MACF1: variants seen among roughly 807,000 people sequenced by gnomAD.
The protein encoded by MACF1 is microtubule actin crosslinking factor 1, also known as microtubule-actin cross-linking factor 1.
Under a neutral mutation model 854.8 loss-of-function variants are expected in MACF1, and 193 were observed. That is an observed-to-expected ratio of 0.23 (90% CI 0.20 to 0.25). The LOEUF (loss-of-function observed/expected upper bound fraction) is 0.25, where lower values mean the gene tolerates loss of function less well. Among genes scored for constraint, MACF1 ranks in the 10% least tolerant of loss-of-function variants. The probability of loss-of-function intolerance (pLI) is 1.00; values close to 1 mark genes in which losing one functional copy is unlikely to be tolerated. For synonymous variants in MACF1, 3,185 were observed against 3,226.7 expected (o/e 0.99, Z 0.44); for missense variants, 7,722 against 8,929.1 (o/e 0.86, Z 5.45).
intron 2 of MACF1, among the ~76,000 whole-genome samples, chr1:39,101,441 C>T (rs1464277642): frequency 2.0e-5 from 3 of 151,196 alleles, no homozygotes; most frequent in Admixed American, 1.3e-4. Context: ...GTTGCCCAGG[C>T]TGGTCGTGAA....
At chr1:39,434,889 T>C (rs1054323965) in intron 69 of MACF1, among the ~76,000 whole-genome samples, 3 of 152,226 alleles carry the variant, frequency 2.0e-5, no homozygotes, top group Non-Finnish European at 4.4e-5. Flanking sequence ...TAAAAATCAA[T>C]GGAATTTAAA....
At chr1:39,208,039 A>G (rs1437979538) in intron 1 of MACF1, among the ~76,000 whole-genome samples, 1 of 151,776 alleles carries the variant, frequency 6.6e-6, no homozygotes, top group Admixed American at 6.6e-5. Context: ...AGGCTGAGGC[A>G]GGAGAACAGC....
chr1:39,253,752 G>A lies in MACF1; in HGVS notation c.358-546G>A, dbSNP rs550852243. On this transcript the variant is annotated intron_variant, in intron 4 of 100. Coordinates refer to ENST00000564288, the MANE Select transcript of MACF1 (RefSeq NM_001394062.1). ...GGTTGTCTCTAACTCCTGGGCTCAA[G>A]CAATCCTCCTGCCTCGGCCTCCCAA... Among the ~76,000 whole-genome samples the A allele has an allele frequency of 3.5e-4, 53 of 152,272 alleles. 1 individual carries two copies. The South Asian group carries it at 7.1e-3, about 20-fold the overall frequency.
Position 39,181,878 on chromosome 1 carries a change from C to T in MACF1, c.221-49304C>T, listed in dbSNP as rs377011613. 4.6e-5 allele frequency among the ~76,000 whole-genome samples: 7 copies of T among 152,284 alleles called. No homozygotes were observed. In the South Asian group the frequency reaches 1.2e-3, roughly 27 times the overall value. On this transcript the variant is annotated intron_variant, in intron 2 of 93. Coordinates refer to the MACF1 transcript ENST00000361689. ...ATACAAAAGAATGAAATTGGCCAGG[C>T]GTTGTGGCTCACGCCCATAATCCCA...
chr1:39,344,133 A>C (rs548197269), intron 40 of MACF1, among the ~76,000 whole-genome samples: 7 of 150,924 alleles, frequency 4.6e-5, no homozygotes, highest in African/African-American at 1.5e-4. Flanking sequence ...AAAAAAGAAA[A>C]AAAGTTTTAG....
Position 39,372,572 on chromosome 1 carries a change from G to C in MACF1, c.13189G>C (p.Ala4397Pro). Residue 4397 changes from alanine to proline, a missense_variant, in exon 52 of 101, where the codon GCA becomes CCA. Around this residue, in one of 15 missense-constraint regions of MACF1, gnomAD observed 2,807 missense variants for 3,235.8 expected, o/e 0.87. Transcript: ENST00000564288. Reference sequence around the variant, plus strand: ...AGAAAATCTCATCATGGAAATCACAGCACCTGATTCCCAAGGCAAGACAGG... The same window carrying C: ...AGAAAATCTCATCATGGAAATCACACCACCTGATTCCCAAGGCAAGACAGG... The part of the protein sequence containing the change: ...SLENLIMEIT[A>P]PDSQGKTGSI... 1 of 1,612,510 alleles carries C rather than the reference G, an allele frequency of 6.2e-7. No individual in the cohort carries two copies. The highest frequency in any genetic ancestry group is 8.5e-7 in the Non-Finnish European group (1 of 1,178,656).
At position 39,283,051 on chromosome 1, in the gene MACF1, C is replaced by T; in HGVS notation, c.696-138C>T. 1 of 608,480 alleles carries T rather than the reference C, an allele frequency of 1.6e-6. No homozygotes were observed. The highest frequency in any genetic ancestry group is 2.9e-6 in the Non-Finnish European group (1 of 342,732). 37.7% of individuals were successfully genotyped at this position (608,480 alleles called of 1,614,324 possible). ...TGTATACTTAAAAATGGAATTTGTA[C>T]TCTTCTAAACCTCCTGCTTTTTCTC... is the stretch of plus-strand genomic sequence containing the variant. On this transcript the variant is annotated intron_variant, in intron 7 of 100. Transcript: ENST00000564288. The surrounding 1 kb of genome is among the most constrained non-coding windows in gnomAD (Gnocchi z 4.5).
At chr1:39,094,706 G>A (rs1316973388) in intron 2 of MACF1, among the ~76,000 whole-genome samples, 8 of 149,948 alleles carry the variant, frequency 5.3e-5, no homozygotes, top group South Asian at 4.2e-4. Context: ...CAACCAGAGC[G>A]AAACTCTGTC....
intron 2 of MACF1, among the ~76,000 whole-genome samples, chr1:39,194,416 C>G (rs1476059911): frequency 7.7e-6 from 1 of 130,338 alleles, no homozygotes; most frequent in African/African-American, 3.0e-5. Context: ...TGCAGTGGCG[C>G]GATCTCAGCT....
intron 1 of MACF1, among the ~76,000 whole-genome samples, chr1:39,228,090 C>T (rs1220454068): frequency 6.6e-6 from 1 of 152,156 alleles, no homozygotes; most frequent in African/African-American, 2.4e-5. Flanking sequence ...GCGGGTGGAT[C>T]ACCTGAGGTC....
rs183632395 is a variant in MACF1, at chr1:39,472,748, A to G, written c.21958+3133A>G. Among the ~76,000 whole-genome samples, 6 of 152,328 alleles carry G rather than the reference A, an allele frequency of 3.9e-5. No homozygotes were observed. The East Asian group carries it at 1.2e-3, about 29-fold the overall frequency. On this transcript the variant is annotated intron_variant, in intron 97 of 100. Transcript: ENST00000564288. Reference sequence around the variant, plus strand: ...GCACCAGAAATGTGGGAATTTTACTATTGTGAGCTTAAGAGCATAAGGACC... The same window carrying G: ...GCACCAGAAATGTGGGAATTTTACTGTTGTGAGCTTAAGAGCATAAGGACC...
At chr1:39,110,089 A>G (rs74069434) in intron 2 of MACF1, among the ~76,000 whole-genome samples, 9,562 of 152,234 alleles carry the variant, frequency 0.063, 503 homozygotes, top group African/African-American at 0.15. Flanking sequence ...TTAAAATAGT[A>G]CAAAATGATG....
intron 2 of MACF1, chr1:39,103,103 C>A: frequency 1.8e-6 from 1 of 551,756 alleles, no homozygotes; most frequent in South Asian, 1.9e-5. Context: ...TCTCTAGCCA[C>A]AACCTAAAGC....
intron 23 of MACF1, among the ~76,000 whole-genome samples, chr1:39,307,826 C>A (rs1646215204): frequency 6.6e-6 from 1 of 151,442 alleles, no homozygotes; most frequent in Non-Finnish European, 1.5e-5. Context: ...CCTGCCTTAG[C>A]CTTCCAAAGT....
intron 90 of MACF1, 92 bp downstream of exon 90, chr1:39,458,582 A>G (rs994769050): frequency 6.9e-7 from 1 of 1,454,634 alleles, no homozygotes; most frequent in Non-Finnish European, 9.2e-7. Flanking sequence ...ATTATATTCC[A>G]TTTTCAAAAA....
chr1:39,350,094 G>C (rs2148499331), intron 42 of MACF1, among the ~76,000 whole-genome samples: 1 of 152,362 alleles, frequency 6.6e-6, no homozygotes, highest in African/African-American at 2.4e-5. Context: ...TGTTATATCT[G>C]TGAAGGAAAA....
chr1:39,189,873 C>T (rs985931663), intron 2 of MACF1, among the ~76,000 whole-genome samples: 2 of 152,100 alleles, frequency 1.3e-5, no homozygotes, highest in African/African-American at 4.8e-5. Flanking sequence ...ATAAGACTGG[C>T]TTTGTAATTT....
At chr1:39,194,342 TTTTC>T (rs1308732789) in intron 2 of MACF1, among the ~76,000 whole-genome samples, 9 of 73,668 alleles carry the variant, frequency 1.2e-4, no homozygotes, top group South Asian at 1.0e-3. Flanking sequence ...TTTTCTTTTC[TTTTC>T]TTTTCTTTTT....
At chr1:39,111,963 A>AAC (rs1642419294) in intron 2 of MACF1, among the ~76,000 whole-genome samples, 1 of 152,138 alleles carries the variant, frequency 6.6e-6, no homozygotes, top group East Asian at 1.9e-4. Flanking sequence ...GTTACTGCCT[A>AAC]ACACATCTCT....
Sources: allele counts gnomAD v4.1 joint callset (sites outside exome capture counted in the v4.1 genomes callset), GRCh38; gene constraint gnomAD v4.1.1; regional missense constraint gnomAD v4.1.1; non-coding constraint Gnocchi (gnomAD v3.1); transcripts MANE v1.5; gene names NCBI Gene and HGNC (gene_info 2026-07-23, HGNC 2026-07-21).